Variants in PLD1 observed in about 807,000 individuals in gnomAD.
PLD1 encodes the protein phospholipase D1.
In PLD1, 112 loss-of-function variants were observed where a neutral mutation model predicts 137.1. That is an observed-to-expected ratio of 0.82 (90% CI 0.70 to 0.96). The LOEUF is 0.96. PLD1 is among the 40% of genes least tolerant of loss of function. The pLI, the probability that PLD1 is intolerant of heterozygous loss-of-function variation, is 0.00. For missense variants in PLD1, 1,321 were observed against 1,342.0 expected (o/e 0.98, Z 0.24); for synonymous variants, 431 against 454.7 (o/e 0.95, Z 0.66).
intron 1 of PLD1, chr3:171,771,310 A>C (rs138195637): frequency 6.6e-6 from 1 of 152,320 alleles, no homozygotes; most frequent in Non-Finnish European, 1.5e-5. Context: ...CTACCCTGAG[A>C]ATCCAAATAA....
At chr3:171,774,631 G>C (rs914542496) in intron 1 of PLD1, among the ~76,000 whole-genome samples, 3 of 152,204 alleles carry the variant, frequency 2.0e-5, no homozygotes, top group Non-Finnish European at 2.9e-5. Context: ...GCAAGCACAG[G>C]CCAGTGCTGT....
chr3:171,693,487 C>T (rs1240973297), intron 12 of PLD1, among the ~76,000 whole-genome samples: 1 of 151,978 alleles, frequency 6.6e-6, no homozygotes, highest in Non-Finnish European at 1.5e-5. Flanking sequence ...GGATCCCCCT[C>T]CAATGTATAG....
intron 21 of PLD1, among the ~76,000 whole-genome samples, chr3:171,647,652 T>C (rs1736368694): frequency 6.6e-6 from 1 of 152,160 alleles, no homozygotes; most frequent in Non-Finnish European, 1.5e-5. Context: ...TTTCTCCATG[T>C]TGGTCAGGCT....
chr3:171,644,202 G>C (rs1736005246), intron 22 of PLD1, among the ~76,000 whole-genome samples: 2 of 152,162 alleles, frequency 1.3e-5, no homozygotes. Context: ...TTTTGGTTAA[G>C]TGACCCTGAG....
At chr3:171,625,851 T>C (rs1288081848) in intron 23 of PLD1, among the ~76,000 whole-genome samples, 1 of 152,050 alleles carries the variant, frequency 6.6e-6, no homozygotes, top group Non-Finnish European at 1.5e-5. Flanking sequence ...AACCCATCTG[T>C]ACATCACCAT....
chr3:171,746,881 C>G (rs556443149), intron 1 of PLD1, among the ~76,000 whole-genome samples: 1 of 152,170 alleles, frequency 6.6e-6, no homozygotes, highest in Non-Finnish European at 1.5e-5. Flanking sequence ...CCCTTCAATA[C>G]GGTGGAAGGT....
intron 1 of PLD1, among the ~76,000 whole-genome samples, chr3:171,804,361 T>C (rs1393531638): frequency 6.6e-6 from 1 of 152,206 alleles, no homozygotes; most frequent in African/African-American, 2.4e-5. Context: ...AATGGCACCA[T>C]AGAGCAAATA....
intron 1 of PLD1, among the ~76,000 whole-genome samples, chr3:171,764,825 GAGAAAGAAAGAAAGAAAGAAAGAA>G (rs1226169438): frequency 0.011 from 241 of 22,774 alleles, 5 homozygotes; most frequent in South Asian, 0.026. Flanking sequence ...AAGAAAGAAA[GAGAAAGAAAGAAAGAAAGAAAGAA>G]AGAAAGAAAG....
chr3:171,810,043 C>T (rs940573078), intron 1 of PLD1: 4 of 152,346 alleles, frequency 2.6e-5, no homozygotes, highest in African/African-American at 9.6e-5. Context: ...GACCTGGGGA[C>T]ACCACACACA....
chr3:171,680,043 T>C (rs955471997), intron 16 of PLD1, among the ~76,000 whole-genome samples: 6 of 152,092 alleles, frequency 3.9e-5, no homozygotes, highest in Non-Finnish European at 8.8e-5. Context: ...TACTAAAGTT[T>C]ATGAGAAGGG....
intron 1 of PLD1, chr3:171,771,396 A>G (rs113108961): frequency 6.6e-6 from 1 of 152,442 alleles, no homozygotes; most frequent in Non-Finnish European, 1.5e-5. Context: ...AGCCAAGCCC[A>G]CAAAGCACTT....
intron 1 of PLD1, among the ~76,000 whole-genome samples, chr3:171,769,655 C>T (rs995857475): frequency 2.2e-4 from 33 of 152,104 alleles, no homozygotes; most frequent in African/African-American, 7.7e-4. Flanking sequence ...CTTTGTAATC[C>T]CGAAATGGCA....
intron 21 of PLD1, among the ~76,000 whole-genome samples, chr3:171,646,411 G>A (rs1176723346): frequency 6.6e-6 from 1 of 152,058 alleles, no homozygotes; most frequent in African/African-American, 2.4e-5. Context: ...CTCTAAAGTC[G>A]ATGTCAGGGC....
intron 23 of PLD1, among the ~76,000 whole-genome samples, chr3:171,639,528 A>T (rs1735470514): frequency 1.1e-5 from 1 of 87,548 alleles, no homozygotes; most frequent in Non-Finnish European, 1.9e-5. Flanking sequence ...TATTCATATA[A>T]TATATATTAT....
intron 1 of PLD1, chr3:171,792,981 G>C (rs1293828006): frequency 6.9e-6 from 2 of 291,044 alleles, no homozygotes; most frequent in Non-Finnish European, 1.3e-5. Flanking sequence ...GATACCACCA[G>C]GAATACCTGA....
intron 1 of PLD1, among the ~76,000 whole-genome samples, chr3:171,804,794 C>T (rs2141746): frequency 0.81 from 122,700 of 151,808 alleles, 49,897 homozygotes; most frequent in Middle Eastern, 0.94. Flanking sequence ...GAAAGATCAT[C>T]TCCAACTGCT....
chr3:171,764,937 A>AGGAAGGAAGGAAGGAAGGAAAGAAAG (rs1721825691), intron 1 of PLD1, among the ~76,000 whole-genome samples: 1 of 11,208 alleles, frequency 8.9e-5, no homozygotes, highest in Non-Finnish European at 1.8e-4. Context: ...AAGAAAGGAA[A>AGGAAGGAAGGAAGGAAGGAAAGAAAG]GAAAGAAAGA....
intron 21 of PLD1, among the ~76,000 whole-genome samples, chr3:171,655,526 T>C (rs1200706706): frequency 6.6e-6 from 1 of 152,038 alleles, no homozygotes; most frequent in Non-Finnish European, 1.5e-5. Flanking sequence ...ATCTGGATAA[T>C]TTTTTATTTT....
At chr3:171,773,818 G>A (rs376135071) in intron 1 of PLD1, among the ~76,000 whole-genome samples, 15 of 151,690 alleles carry the variant, frequency 9.9e-5, no homozygotes, top group East Asian at 7.9e-4. Context: ...GCGCTGTCTC[G>A]GCTCACTGCA....
Sources: allele counts gnomAD v4.1 joint callset (sites outside exome capture counted in the v4.1 genomes callset), GRCh38; gene constraint gnomAD v4.1.1; transcripts MANE v1.5; gene names NCBI Gene and HGNC (gene_info 2026-07-23, HGNC 2026-07-21).